SLC71A2: variants seen among roughly 807,000 people sequenced by gnomAD.
SLC71A2 encodes the protein solute carrier family 71 member 2.
the SLC71A2 span, chr9:94,459,048 T>G: frequency 1.8e-6 from 2 of 1,138,226 alleles, no homozygotes; most frequent in Non-Finnish European, 2.5e-6. Flanking sequence ...CATTTGCTTA[T>G]GAGAATATGA....
the SLC71A2 span, chr9:94,451,578 C>T: frequency 1.0e-6 from 1 of 971,782 alleles, no homozygotes; most frequent in Admixed American, 2.4e-5. Flanking sequence ...ATCCTGATAA[C>T]CATAGTTTCA....
At chr9:94,459,304 C>T in the SLC71A2 span, 3 of 1,614,174 alleles carry the variant, frequency 1.9e-6, no homozygotes, top group Non-Finnish European at 2.5e-6. Flanking sequence ...GCCTGACCAA[C>T]ACCCCAGAAC....
At chr9:94,403,503 CTTTTTTTTT>C in the SLC71A2 span, among the ~76,000 whole-genome samples, 1 of 144,124 alleles carries the variant, frequency 6.9e-6, no homozygotes, top group African/African-American at 2.5e-5. Flanking sequence ...AGTCAGTTTC[CTTTTTTTTT>C]TTTTAAGGTT....
chr9:94,455,156 C>CTTTTCTTTTTTTT, the SLC71A2 span, among the ~76,000 whole-genome samples: 1 of 27,688 alleles, frequency 3.6e-5, no homozygotes, highest in Non-Finnish European at 5.7e-5. Flanking sequence ...TTGCTCTTTC[C>CTTTTCTTTTTTTT]TTTTTTTTTT....
the SLC71A2 span, among the ~76,000 whole-genome samples, chr9:94,417,923 C>T: frequency 1.8e-4 from 26 of 140,820 alleles, no homozygotes; most frequent in African/African-American, 6.7e-4. Flanking sequence ...GTGGCGTGAT[C>T]TCAGCTCCCT....
the SLC71A2 span, among the ~76,000 whole-genome samples, chr9:94,379,413 G>A: frequency 1.1e-4 from 13 of 122,976 alleles, no homozygotes; most frequent in Non-Finnish European, 2.4e-4. Context: ...TAAGAGGTGA[G>A]GCCTCACTCT....
At chr9:94,426,758 A>G in the SLC71A2 span, among the ~76,000 whole-genome samples, 4 of 100,488 alleles carry the variant, frequency 4.0e-5, no homozygotes, top group Admixed American at 9.3e-5. Flanking sequence ...GGCAAATGCC[A>G]TTTTATTTTA....
the SLC71A2 span, among the ~76,000 whole-genome samples, chr9:94,452,765 GATAA>G: frequency 6.7e-6 from 1 of 148,296 alleles, no homozygotes; most frequent in Admixed American, 6.8e-5. Context: ...TATAGGTATT[GATAA>G]ATGATTTTCA....
chr9:94,455,503 C>T, the SLC71A2 span, among the ~76,000 whole-genome samples: 1 of 150,926 alleles, frequency 6.6e-6, no homozygotes, highest in Non-Finnish European at 1.5e-5. Context: ...TCATGAGCCA[C>T]TGTCCCTAGC....
chr9:94,425,298 T>A, the SLC71A2 span, among the ~76,000 whole-genome samples: 39 of 152,114 alleles, frequency 2.6e-4, no homozygotes, highest in Non-Finnish European at 5.0e-4. Context: ...AGTGAGACTT[T>A]GAATCAAACA....
At chr9:94,459,183 C>T in the SLC71A2 span, 6 of 1,613,914 alleles carry the variant, frequency 3.7e-6, no homozygotes, top group Admixed American at 1.7e-5. Context: ...CCAGGCCCGC[C>T]GTTTTTATTT....
chr9:94,405,080 C>T, the SLC71A2 span, among the ~76,000 whole-genome samples: 1 of 152,154 alleles, frequency 6.6e-6, no homozygotes, highest in Admixed American at 6.5e-5. Flanking sequence ...TTTCCATCAC[C>T]ATTTGCTGAA....
the SLC71A2 span, among the ~76,000 whole-genome samples, chr9:94,391,362 TA>T: frequency 9.4e-3 from 1,221 of 130,194 alleles, 8 homozygotes; most frequent in African/African-American, 0.022. Flanking sequence ...GACTCTGTCT[TA>T]AAAAAAAAAA....
the SLC71A2 span, among the ~76,000 whole-genome samples, chr9:94,398,069 T>G: frequency 6.6e-6 from 1 of 151,722 alleles, no homozygotes; most frequent in African/African-American, 2.4e-5. Context: ...GAGATTTGCT[T>G]GTTCTTTTCT....
chr9:94,449,851 G>C, the SLC71A2 span, among the ~76,000 whole-genome samples: 1 of 152,164 alleles, frequency 6.6e-6, no homozygotes, highest in Non-Finnish European at 1.5e-5. Context: ...TAACAAATAT[G>C]CCTATACATT....
the SLC71A2 span, among the ~76,000 whole-genome samples, chr9:94,375,692 A>G: frequency 1.3e-5 from 2 of 151,860 alleles, no homozygotes; most frequent in African/African-American, 4.8e-5. Flanking sequence ...ACACAATGGG[A>G]AAGTTTTTCC....
At chr9:94,459,733 C>A in the SLC71A2 span, 4 of 268,074 alleles carry the variant, frequency 1.5e-5, no homozygotes, top group Non-Finnish European at 2.9e-5. Context: ...CCTGTAATGA[C>A]TATAGAGTAA....
At chr9:94,454,157 CA>C in the SLC71A2 span, 3 of 880,576 alleles carry the variant, frequency 3.4e-6, no homozygotes, top group Middle Eastern at 2.2e-4. Flanking sequence ...GAGAAGGAAG[CA>C]AGGGTTATTT....
chr9:94,459,976 C>T, the SLC71A2 span: 1 of 152,994 alleles, frequency 6.5e-6, no homozygotes, highest in Non-Finnish European at 1.5e-5. Context: ...TTTTATTCTA[C>T]TTTCTATTCT....
Sources: allele counts gnomAD v4.1 joint callset (sites outside exome capture counted in the v4.1 genomes callset), GRCh38; gene constraint gnomAD v4.1.1; transcripts MANE v1.5; gene names NCBI Gene and HGNC (gene_info 2026-07-23, HGNC 2026-07-21).